GPM6A: variants seen among roughly 807,000 people sequenced by gnomAD.
The protein encoded by GPM6A is glycoprotein M6A.
A neutral mutation model predicts 32.1 loss-of-function variants in GPM6A; 7 were observed. The ratio of observed to expected loss-of-function variants is 0.22; its 90% CI spans 0.12 to 0.41. GPM6A has a LOEUF of 0.41. Ranked by LOEUF, GPM6A falls within the 10% of genes least tolerant of loss-of-function variation. The pLI, the probability that GPM6A is intolerant of heterozygous loss-of-function variation, is 1.00. For synonymous variants in GPM6A, 130 were observed against 123.4 expected, an observed-to-expected ratio of 1.05 and a Z score of -0.35; for missense variants, 235 against 347.2, an observed-to-expected ratio of 0.68 and a Z score of 2.57.
chr4:175,812,455 C>A, upstream of GPM6A: 1 of 1,270,806 alleles, frequency 7.9e-7, no homozygotes, highest in East Asian at 3.3e-5. Context: ...ATTCAAATTA[C>A]TCTTCCGTGA....
intron 1 of GPM6A, among the ~76,000 whole-genome samples, chr4:175,732,929 C>A (rs1210812822): frequency 6.6e-6 from 1 of 152,098 alleles, no homozygotes; most frequent in South Asian, 2.1e-4. Context: ...GAAACTGAGA[C>A]ATAGAATATT....
At position 175,870,657 on chromosome 4, in the gene GPM6A, T is replaced by C. The variant is rs535180158; in HGVS notation, c.-22-58408A>G. ...ATCGCTTCTCTCCTTTAACTTCTCC[T>C]TGTTCCCACACCCTATGTCATGGTG... On this transcript the variant is annotated intron_variant, in intron 1 of 7. Coordinates refer to the GPM6A transcript ENST00000280187. 3.3e-5 allele frequency among the ~76,000 whole-genome samples: 5 copies of C among 152,308 alleles called. No homozygotes were observed. In the East Asian group the frequency reaches 9.7e-4, roughly 29 times the overall value.
At chr4:175,814,882 C>A (rs1735050492), upstream of GPM6A, among the ~76,000 whole-genome samples, 1 of 152,188 alleles carries the variant, frequency 6.6e-6, no homozygotes, top group African/African-American at 2.4e-5. Flanking sequence ...ACATTCACAT[C>A]ATTCTGTAAC....
At chr4:175,970,317 C>T (rs1042912771) in intron 1 of GPM6A, among the ~76,000 whole-genome samples, 1 of 152,048 alleles carries the variant, frequency 6.6e-6, no homozygotes, top group Non-Finnish European at 1.5e-5. Flanking sequence ...AACACATGAA[C>T]CCCTCACAGC....
intron 1 of GPM6A, among the ~76,000 whole-genome samples, chr4:175,896,632 T>A (rs888988791): frequency 6.6e-6 from 1 of 152,180 alleles, no homozygotes; most frequent in African/African-American, 2.4e-5. Flanking sequence ...TCTGCTTCTG[T>A]TTCTGTCTTC....
At chr4:175,999,133 T>C (rs1741399408) in intron 1 of GPM6A, among the ~76,000 whole-genome samples, 1 of 152,240 alleles carries the variant, frequency 6.6e-6, no homozygotes, top group Non-Finnish European at 1.5e-5. Flanking sequence ...TCAACATCAT[T>C]TTTAAACAAA....
chr4:175,962,430 TG>T (rs1740196470), intron 1 of GPM6A: 2 of 707,786 alleles, frequency 2.8e-6, no homozygotes, highest in Admixed American at 3.6e-5. Flanking sequence ...AAAGCAAGCC[TG>T]CCACCAACCT....
intron 1 of GPM6A, among the ~76,000 whole-genome samples, chr4:175,971,361 T>C (rs1279086366): frequency 6.6e-6 from 1 of 152,058 alleles, no homozygotes; most frequent in Non-Finnish European, 1.5e-5. Flanking sequence ...TTTCTGATCA[T>C]ATTTATTTTC....
intron 2 of GPM6A, among the ~76,000 whole-genome samples, chr4:175,688,411 C>T (rs1459863231): frequency 6.6e-6 from 1 of 152,068 alleles, no homozygotes; most frequent in Non-Finnish European, 1.5e-5. Flanking sequence ...CATCATATTG[C>T]ATGTGGAGAT....
Position 176,002,173 on chromosome 4 carries a change from G to T in GPM6A, c.-23+136C>A, listed in dbSNP as rs59710473. The T allele has an allele frequency of 9.3e-3, 9,069 of 973,270 alleles. 441 individuals carry two copies. The African/African-American group carries it at 0.11, about 12-fold the overall frequency. 60.3% of individuals were successfully genotyped at this position (973,270 alleles called of 1,614,324 possible). A position where few individuals can be genotyped will look rare whatever the true frequency, so the allele number is the denominator to read the frequency against. ...TCCGGAGACAAGAGGGCGGGGGGCG[G>T]GGGACGCCAGGCGCGGGGGGAACAG... On this transcript the variant is annotated intron_variant, in intron 1 of 7. Transcript: ENST00000280187.
rs542687253 is a variant in GPM6A, at chr4:175,726,703, A to G, written c.38-24936T>C. 2.6e-5 allele frequency among the ~76,000 whole-genome samples: 4 copies of G among 152,302 alleles called. No individual in the cohort carries two copies. In the South Asian group the frequency reaches 8.3e-4, roughly 32 times the overall value. On this transcript the variant is annotated intron_variant, in intron 1 of 6. Transcript: ENST00000393658. ...AAGACACAAAAACTAAAATGCAAAA[A>G]TGTTACTTTAACTTTTTATAAAAGG...
intron 1 of GPM6A, among the ~76,000 whole-genome samples, chr4:175,919,712 C>A (rs951405672): frequency 1.3e-5 from 2 of 152,196 alleles, no homozygotes; most frequent in African/African-American, 4.8e-5. Flanking sequence ...ACTGGACACA[C>A]TCCTAAATGG....
chr4:175,658,645 T>C (rs1742224798), intron 3 of GPM6A, among the ~76,000 whole-genome samples: 1 of 152,312 alleles, frequency 6.6e-6, no homozygotes, highest in African/African-American at 2.4e-5. Context: ...GGTGAGGTAG[T>C]GATAACGGGA....
chr4:175,997,463 GT>G (rs11394327), intron 1 of GPM6A, among the ~76,000 whole-genome samples: 1,770 of 149,704 alleles, frequency 0.012, 28 homozygotes, highest in African/African-American at 0.041. Context: ...TTCTTTACAT[GT>G]TTTTTTTTTC....
At chr4:175,849,706 A>G (rs1736194390) in intron 1 of GPM6A, among the ~76,000 whole-genome samples, 1 of 152,144 alleles carries the variant, frequency 6.6e-6, no homozygotes, top group Non-Finnish European at 1.5e-5. Context: ...ATTGGAACTT[A>G]TTGTGTTGAA....
intron 1 of GPM6A, among the ~76,000 whole-genome samples, chr4:175,871,759 T>C (rs983406448): frequency 2.6e-5 from 4 of 152,198 alleles, no homozygotes; most frequent in African/African-American, 7.2e-5. Context: ...TTAATAGCAT[T>C]ATGACTCTTT....
intron 1 of GPM6A, among the ~76,000 whole-genome samples, chr4:175,925,529 T>C (rs1360429374): frequency 1.3e-5 from 2 of 152,216 alleles, no homozygotes; most frequent in Non-Finnish European, 2.9e-5. Context: ...CTCATTCTGC[T>C]GAAACTGAAA....
At chr4:175,748,547 G>T (rs983033902) in intron 1 of GPM6A, among the ~76,000 whole-genome samples, 2 of 151,988 alleles carry the variant, frequency 1.3e-5, no homozygotes, top group Non-Finnish European at 2.9e-5. Context: ...GTCAACAGTG[G>T]GCTTAAAATA....
At chr4:175,877,112 G>A (rs146046849) in intron 1 of GPM6A, among the ~76,000 whole-genome samples, 102 of 152,272 alleles carry the variant, frequency 6.7e-4, no homozygotes, top group Non-Finnish European at 7.1e-4. Flanking sequence ...GATGTCCAGT[G>A]GTGAGGTTCA....
Sources: allele counts gnomAD v4.1 joint callset (sites outside exome capture counted in the v4.1 genomes callset), GRCh38; gene constraint gnomAD v4.1.1; transcripts MANE v1.5; gene names NCBI Gene and HGNC (gene_info 2026-07-23, HGNC 2026-07-21).